The following SCP2 variants were observed in gnomAD, a reference collection of about 807,000 sequenced individuals.
SCP2 encodes sterol carrier protein 2.
Under a neutral mutation model 71.4 loss-of-function variants are expected in SCP2, and 48 were observed. The ratio of observed to expected loss-of-function variants is 0.67; its 90% CI spans 0.53 to 0.86. The LOEUF is 0.86. Among genes scored for constraint, SCP2 ranks in the 40% least tolerant of loss-of-function variants. The pLI is 0.00. For missense variants in SCP2, 560 were observed against 655.6 expected (o/e 0.85, Z 1.59); for synonymous variants, 220 against 218.1 (o/e 1.01, Z -0.08).
At position 52,978,326 on chromosome 1, in the gene SCP2, G is replaced by A; in HGVS notation, c.784G>A (p.Asp262Asn). Reference sequence around the variant, plus strand: ...AATTTTGGCACAAGAAATGATGACTGATTTGCCAAGCTCGTTTGAAGAAAA... The same window carrying A: ...AATTTTGGCACAAGAAATGATGACTAATTTGCCAAGCTCGTTTGAAGAAAA... ...VEILAQEMMT[D>N]LPSSFEEKSI... The change falls in exon 9 of 16, where the codon GAT becomes AAT. Residue 262 changes from aspartate to asparagine, a missense_variant. Around this residue, in one of 3 missense-constraint regions of SCP2, gnomAD observed 513 missense variants for 573.1 expected, o/e 0.90. Coordinates refer to ENST00000371514, the MANE Select transcript of SCP2 (RefSeq NM_002979.5). 1 of 1,614,062 alleles carries A rather than the reference G, an allele frequency of 6.2e-7. No individual in the cohort carries two copies. Among genetic ancestry groups the A allele is most frequent in the Non-Finnish European group, 8.5e-7 (1 of 1,179,926 alleles).
chr1:52,946,541 G>A (rs11206047), intron 2 of SCP2, among the ~76,000 whole-genome samples: 15 of 152,134 alleles, frequency 9.9e-5, no homozygotes, highest in Non-Finnish European at 1.8e-4. Context: ...GTTTACACCC[G>A]TAGAGTCTCA....
chr1:52,944,453 A>G (rs1654581617), intron 2 of SCP2, among the ~76,000 whole-genome samples: 1 of 152,124 alleles, frequency 6.6e-6, no homozygotes, highest in African/African-American at 2.4e-5. Context: ...AGATTTGATT[A>G]ATTGCAGTGG....
intron 13 of SCP2, among the ~76,000 whole-genome samples, chr1:53,038,264 A>ATATATGT (rs778652721): frequency 1.3e-4 from 19 of 151,600 alleles, no homozygotes; most frequent in African/African-American, 4.4e-4. Flanking sequence ...ACACACACAC[A>ATATATGT]CACGGAGAAG....
chr1:52,941,920 A>G, intron 2 of SCP2, 67 bp downstream of exon 2: 1 of 1,191,710 alleles, frequency 8.4e-7, no homozygotes, highest in Non-Finnish European at 1.3e-6. Context: ...GATTTCATGG[A>G]TGGGGCAGCC....
intron 10 of SCP2, 127 bp downstream of exon 10, chr1:52,980,670 T>C (rs911637040): frequency 2.1e-6 from 2 of 959,082 alleles, no homozygotes; most frequent in Non-Finnish European, 1.7e-6. Context: ...CTGTGGGAAA[T>C]GAATGTAAGC....
At position 52,935,951 on chromosome 1, in the gene SCP2, A is replaced by G. The variant is rs185665286; in HGVS notation, c.70-5845A>G. On this transcript the variant is annotated intron_variant, in intron 1 of 15. Coordinates refer to ENST00000371514, the MANE Select transcript of SCP2 (RefSeq NM_002979.5). ...AGAACCTGTCTTGAAAAAAAAAAAG[A>G]ATATCCACAATTCCAATACTCTTCC... 8.0e-4 allele frequency among the ~76,000 whole-genome samples: 122 copies of G among 152,226 alleles called. No homozygotes were observed. The East Asian group carries it at 0.013, about 16-fold the overall frequency.
intron 5 of SCP2, among the ~76,000 whole-genome samples, chr1:52,960,528 GTA>G (rs1326583891): frequency 0.014 from 1,967 of 139,168 alleles, 44 homozygotes; most frequent in African/African-American, 0.05. Flanking sequence ...GTATATGTGT[GTA>G]TATATATGTA....
intron 4 of SCP2, among the ~76,000 whole-genome samples, chr1:52,954,019 A>G (rs11206050): frequency 0.017 from 2,549 of 151,290 alleles, 46 homozygotes; most frequent in African/African-American, 0.057. Flanking sequence ...AACCCAGCAA[A>G]ACCTTTGTGG....
chr1:52,949,134 T>TA (rs1655073613), intron 3 of SCP2, among the ~76,000 whole-genome samples: 1 of 152,232 alleles, frequency 6.6e-6, no homozygotes. Flanking sequence ...TAAAATACTA[T>TA]AGTAGGTGTT....
At chr1:52,957,244 A>G (rs1251464762) in intron 5 of SCP2, among the ~76,000 whole-genome samples, 1 of 152,120 alleles carries the variant, frequency 6.6e-6, no homozygotes, top group Non-Finnish European at 1.5e-5. Flanking sequence ...TGTCTATTTA[A>G]TCTTGTCCCT....
At chr1:52,953,981 C>CA (rs36122767) in intron 4 of SCP2, among the ~76,000 whole-genome samples, 71 of 141,468 alleles carry the variant, frequency 5.0e-4, no homozygotes, top group East Asian at 2.6e-3. Context: ...GACACTGTCT[C>CA]AAAAAAAAAA....
chr1:53,001,038 T>G (rs1410866454), intron 11 of SCP2, among the ~76,000 whole-genome samples: 1 of 152,134 alleles, frequency 6.6e-6, no homozygotes, highest in East Asian at 1.9e-4. Flanking sequence ...TTAGACATTT[T>G]CTTGGGTCTG....
intron 1 of SCP2, 76 bp from the exon 2 acceptor site, chr1:52,941,720 G>C: frequency 2.2e-6 from 2 of 909,726 alleles, no homozygotes; most frequent in Non-Finnish European, 1.7e-6. Flanking sequence ...GGGTAACAGA[G>C]CAAGACTCCG....
intron 11 of SCP2, among the ~76,000 whole-genome samples, chr1:53,013,986 C>G (rs1249071109): frequency 6.8e-6 from 1 of 147,730 alleles, no homozygotes; most frequent in Non-Finnish European, 1.5e-5. Context: ...AGCTCTGCCT[C>G]CCGGGTTCAC....
At chr1:52,971,092 C>T (rs1657441387) in intron 6 of SCP2, among the ~76,000 whole-genome samples, 2 of 151,356 alleles carry the variant, frequency 1.3e-5, no homozygotes, top group African/African-American at 4.9e-5. Flanking sequence ...TCTCCCGCCT[C>T]AGCCTCCCGA....
chr1:53,049,836 A>G (rs1414347431), intron 15 of SCP2: 1 of 152,206 alleles, frequency 6.6e-6, no homozygotes, highest in Non-Finnish European at 1.5e-5. Context: ...GATGTAGAAG[A>G]GCTCCTAGCT....
chr1:52,995,919 A>G, intron 11 of SCP2: 2 of 1,488,488 alleles, frequency 1.3e-6, no homozygotes, highest in Non-Finnish European at 8.9e-7. Flanking sequence ...AGAGTTCAAC[A>G]AGGCTGAGAG....
At chr1:53,029,510 G>T (rs1662375792) in intron 13 of SCP2, among the ~76,000 whole-genome samples, 1 of 152,124 alleles carries the variant, frequency 6.6e-6, no homozygotes, top group Non-Finnish European at 1.5e-5. Context: ...CATCTATTAA[G>T]GTGATCAAAG....
rs759595860 is a variant in SCP2 at position 52,969,690 on chromosome 1, G to A, written c.524-5079G>A. 6.6e-5 allele frequency among the ~76,000 whole-genome samples: 10 copies of A among 151,610 alleles called. No individual in the cohort carries two copies. The East Asian group carries it at 7.8e-4, about 12-fold the overall frequency. Reference sequence around the variant, plus strand: ...ACAAAAATTAGCCGGGCGTGGTCGCGTGTGCCTGTAATCCCAGCAACTGGG... The same window carrying A: ...ACAAAAATTAGCCGGGCGTGGTCGCATGTGCCTGTAATCCCAGCAACTGGG... On this transcript the variant is annotated intron_variant, in intron 6 of 15. Coordinates refer to ENST00000371514, the MANE Select transcript of SCP2 (RefSeq NM_002979.5).
Sources: gnomAD v4.1 joint callset for allele counts (sites outside exome capture counted in the v4.1 genomes callset) on GRCh38, gnomAD v4.1.1 for gene constraint, gnomAD v4.1.1 regional missense constraint, MANE v1.5 for transcripts, NCBI Gene and HGNC (gene_info 2026-07-23, HGNC 2026-07-21) for gene names.